The following RAD9B variants were observed in gnomAD, a reference collection of about 807,000 sequenced individuals.
RAD9B encodes cell cycle checkpoint control protein RAD9B.
RAD9B carries 41 observed loss-of-function variants against 48.3 expected under a neutral mutation model. The observed-to-expected ratio is 0.85, with a 90% CI of 0.66 to 1.10. RAD9B has a LOEUF of 1.10. Among genes scored for constraint, RAD9B ranks in the 50% least tolerant of loss-of-function variants. The probability of loss-of-function intolerance (pLI) is 0.00; values close to 1 mark genes in which losing one functional copy is unlikely to be tolerated. For missense variants in RAD9B, 444 were observed against 485.1 expected (o/e 0.92, Z 0.80); for synonymous variants, 160 against 157.9 (o/e 1.01, Z -0.10).
chr12:110,508,392 G>A (rs2063356921), intron 4 of RAD9B, among the ~76,000 whole-genome samples: 1 of 152,176 alleles, frequency 6.6e-6, no homozygotes, highest in African/African-American at 2.4e-5. Flanking sequence ...TAGACAGAAA[G>A]TGAATACTTG....
rs1265405515 is a variant in RAD9B, at chr12:110,522,479, T to TC, written c.1125+72dup. 4 of 1,056,844 alleles carry TC rather than the reference T, an allele frequency of 3.8e-6. No homozygotes were observed. In the African/African-American group the frequency reaches 4.8e-5, roughly 13 times the overall value. 65.5% of individuals were successfully genotyped at this position (1,056,844 alleles called of 1,614,324 possible). A position where few individuals can be genotyped will look rare whatever the true frequency, so the allele number is the denominator to read the frequency against. The stretch of plus-strand genomic sequence containing the variant: ...CATCTGTCTCCCTTTGCAGTCTTCC[T>TC]CCCCAATCCCCACCCAGCCATGTTC... On this transcript the variant is annotated intron_variant, in intron 10 of 10. Transcript: ENST00000409300.
Position 110,502,357 on chromosome 12 carries a change from G to A in RAD9B, c.20G>A (p.Cys7Tyr). 6.2e-7 allele frequency: 1 copy of A among 1,613,782 alleles called. No individual in the cohort carries two copies. Among genetic ancestry groups the A allele is most frequent in the South Asian group, 1.1e-5 (1 of 90,992 alleles). Residue 7 changes from cysteine (C) to tyrosine (Y), a missense_variant, in exon 1 of 11, where the codon TGC (cysteine) becomes TAC (tyrosine). By Grantham distance (194) the Cys-to-Tyr change is radical. Coordinates refer to ENST00000409300, the MANE Select transcript of RAD9B (RefSeq NM_001286535.2). MAAMLK[C>Y]VMSGSQVKVF... ...GGGCGGATGGCAGCCATGCTGAAGT[G>A]CGTGATGAGCGGCAGTCAGGTGAAA...
intron 2 of RAD9B, 149 bp from the exon 3 acceptor site, chr12:110,505,468 G>C (rs2063235235): frequency 2.1e-6 from 1 of 468,934 alleles, no homozygotes; most frequent in South Asian, 7.2e-5. Flanking sequence ...AAAAATAGAG[G>C]TGGGGTCTTG....
intron 10 of RAD9B, among the ~76,000 whole-genome samples, chr12:110,523,813 C>T (rs1286181521): frequency 1.3e-5 from 2 of 152,156 alleles, no homozygotes; most frequent in Non-Finnish European, 1.5e-5. Context: ...CTCTTTACTC[C>T]AAATTTCCTA....
chr12:110,529,974 A>T (rs1161187163), intron 10 of RAD9B, among the ~76,000 whole-genome samples: 1 of 152,072 alleles, frequency 6.6e-6, no homozygotes, highest in Non-Finnish European at 1.5e-5. Flanking sequence ...TCAGGAGGGG[A>T]GTCAGCAGCA....
Position 110,505,395 on chromosome 12 carries a change from C to G in RAD9B, c.118-222C>G, listed in dbSNP as rs80322606. ...TTAACTGTGATGTTAAACATAATGA[C>G]GTTTTCTGAATCAAGCTATTATGTA... On this transcript the variant is annotated intron_variant, in intron 2 of 10. Transcript: ENST00000409300. Among the ~76,000 whole-genome samples, 1,038 of 152,088 alleles carry G rather than the reference C, an allele frequency of 6.8e-3. 1 individual carries two copies. Among genetic ancestry groups the G allele is most frequent in the Non-Finnish European group, 9.3e-3 (635 of 67,994 alleles).
chr12:110,502,467 C>A, intron 1 of RAD9B, 84 bp downstream of exon 1: 1 of 1,518,152 alleles, frequency 6.6e-7, no homozygotes, highest in South Asian at 1.2e-5. Flanking sequence ...CTAATTTTTC[C>A]TCTTTGCCTT....
chr12:110,506,350 G>A (rs969658359), intron 3 of RAD9B, among the ~76,000 whole-genome samples: 2 of 151,802 alleles, frequency 1.3e-5, no homozygotes, highest in Non-Finnish European at 2.9e-5. Flanking sequence ...CACTACGCCT[G>A]GCTAATTTTT....
chr12:110,529,820 A>G (rs995425412), intron 10 of RAD9B, among the ~76,000 whole-genome samples: 2 of 152,166 alleles, frequency 1.3e-5, no homozygotes, highest in African/African-American at 4.8e-5. Flanking sequence ...ATGCAGAGAT[A>G]GGGAGGAAAG....
rs2064161312 is a variant in RAD9B at position 110,532,261 on chromosome 12, TAC to T, written c.*1612_*1613del. On this transcript the variant is annotated 3_prime_UTR_variant, in exon 11 of 11. Transcript: ENST00000409300. ...GGTATTTCTAACAAATGCAGATGCC[TAC>T]ACAGGGAGCTTTTATACACAAAAGT... is the stretch of plus-strand genomic sequence containing the variant. Among the ~76,000 whole-genome samples the T allele has an allele frequency of 3.3e-5, 5 of 152,352 alleles. No homozygotes were observed. The South Asian group carries it at 1.0e-3, about 32-fold the overall frequency.
rs2063681605 is a variant in RAD9B at position 110,518,663 on chromosome 12, T to TAAG, written c.596-11_596-10insGAA. On this transcript the variant is annotated splice_polypyrimidine_tract_variant and intron_variant, in intron 6 of 10. Transcript: ENST00000409300. The stretch of plus-strand genomic sequence containing the variant: ...ACTAATTTTATTCTTTATTTTCCCA[T>TAAG]AATATTAAACAGATTTGAGCAATGC... 6.6e-7 allele frequency: 1 copy of TAAG among 1,525,072 alleles called. No individual in the cohort carries two copies. Among genetic ancestry groups the TAAG allele is most frequent in the African/African-American group, 1.4e-5 (1 of 71,516 alleles). 94.5% of individuals were successfully genotyped at this position (1,525,072 alleles called of 1,614,324 possible). A position where few individuals can be genotyped will look rare whatever the true frequency, so the allele number is the denominator to read the frequency against.
intron 10 of RAD9B, among the ~76,000 whole-genome samples, chr12:110,530,046 TTTTG>T (rs1301532719): frequency 4.6e-5 from 7 of 152,298 alleles, no homozygotes; most frequent in South Asian, 2.1e-4. Context: ...GGTTTGTTTT[TTTTG>T]TTTAATTTTT....
intron 10 of RAD9B, among the ~76,000 whole-genome samples, chr12:110,526,135 C>T (rs1410781178): frequency 1.3e-5 from 2 of 152,182 alleles, no homozygotes; most frequent in Non-Finnish European, 2.9e-5. Flanking sequence ...CCCGCCTGGC[C>T]TGCTGTGGAT....
chr12:110,530,112 G>A (rs1464764985), intron 10 of RAD9B, among the ~76,000 whole-genome samples: 4 of 152,044 alleles, frequency 2.6e-5, no homozygotes, highest in Non-Finnish European at 5.9e-5. Context: ...GCACGATCTC[G>A]GCTCACTGCA....
At chr12:110,504,037 T>C (rs2063185162) in intron 2 of RAD9B, among the ~76,000 whole-genome samples, 161 bp downstream of exon 2, 2 of 152,150 alleles carry the variant, frequency 1.3e-5, no homozygotes, top group Non-Finnish European at 2.9e-5. Flanking sequence ...CATGGTAAAG[T>C]TGAAAATATG....
intron 4 of RAD9B, among the ~76,000 whole-genome samples, chr12:110,507,371 ATAAT>A (rs2063309428): frequency 7.0e-6 from 1 of 143,294 alleles, no homozygotes; most frequent in African/African-American, 2.5e-5. Context: ...TGTATTATAT[ATAAT>A]ATATGTATTA....
Position 110,514,789 on chromosome 12 carries a change from T to C in RAD9B, c.489-261T>C, listed in dbSNP as rs529318670. 2.0e-5 allele frequency among the ~76,000 whole-genome samples: 3 copies of C among 152,348 alleles called. No individual in the cohort carries two copies. In the South Asian group the frequency reaches 6.2e-4, roughly 32 times the overall value. ...TTAAAGATATTTTATTCTGGAATTT[T>C]GTTTGTACTGCAGCGTTCATGTGTT... On this transcript the variant is annotated intron_variant, in intron 5 of 10. Coordinates refer to ENST00000409300, the MANE Select transcript of RAD9B (RefSeq NM_001286535.2).
chr12:110,515,447 G>T (rs1213462262), intron 6 of RAD9B, among the ~76,000 whole-genome samples: 1 of 152,140 alleles, frequency 6.6e-6, no homozygotes, highest in Admixed American at 6.6e-5. Context: ...GATTACCTGA[G>T]GTCGGGAGTT....
chr12:110,511,512 G>A (rs1420943488), intron 4 of RAD9B: 3 of 451,948 alleles, frequency 6.6e-6, no homozygotes, highest in East Asian at 1.4e-4. Flanking sequence ...TCACAATGTG[G>A]ACGCTAAAAA....
Sources: gnomAD v4.1 joint callset for allele counts (sites outside exome capture counted in the v4.1 genomes callset) on GRCh38, gnomAD v4.1.1 for gene constraint, MANE v1.5 for transcripts, NCBI Gene and HGNC (gene_info 2026-07-23, HGNC 2026-07-21) for gene names.